LMO7: variants seen among roughly 807,000 people sequenced by gnomAD.
LMO7 encodes LIM domain 7.
A neutral mutation model predicts 206.5 loss-of-function variants in LMO7; 120 were observed. The ratio of observed to expected loss-of-function variants is 0.58; its 90% CI spans 0.50 to 0.68. The LOEUF is 0.68. Ranked by LOEUF, LMO7 falls within the 30% of genes least tolerant of loss-of-function variation. The pLI, the probability that LMO7 is intolerant of heterozygous loss-of-function variation, is 0.00. For synonymous variants in LMO7, 706 were observed against 681.5 expected (o/e 1.04, Z -0.56); for missense variants, 1,959 against 1,957.9 (o/e 1.00, Z -0.01).
At chr13:75,705,105 A>T (rs1211827845) in intron 1 of LMO7, among the ~76,000 whole-genome samples, 1 of 152,116 alleles carries the variant, frequency 6.6e-6, no homozygotes, top group East Asian at 1.9e-4. Flanking sequence ...TCCGCCCTTC[A>T]TATGCTCGGG....
chr13:75,805,083 C>CCTAA (rs1212143464), intron 8 of LMO7: 25 of 1,014,618 alleles, frequency 2.5e-5, no homozygotes, highest in Non-Finnish European at 2.8e-5. Context: ...AATCACCTAT[C>CCTAA]CTAATTCTTG....
At chr13:75,722,979 G>A (rs1304661488) in intron 2 of LMO7, among the ~76,000 whole-genome samples, 1 of 152,138 alleles carries the variant, frequency 6.6e-6, no homozygotes, top group African/African-American at 2.4e-5. Context: ...AGGATGCAAA[G>A]GCGTAAGAAT....
chr13:75,849,382 TGAAAG>T (rs769645709), intron 27 of LMO7, 90 bp downstream of exon 27: 13 of 1,010,016 alleles, frequency 1.3e-5, no homozygotes, highest in South Asian at 7.1e-5. Flanking sequence ...ACAGAAGAGA[TGAAAG>T]GAACATAGAG....
intron 1 of LMO7, among the ~76,000 whole-genome samples, chr13:75,681,718 G>GTATGTATATA (rs1555293391): frequency 2.9e-5 from 3 of 104,562 alleles, no homozygotes; most frequent in Non-Finnish European, 5.8e-5. Context: ...ATATATATAT[G>GTATGTATATA]TATATATATA....
chr13:75,654,378 G>A (rs865967526), intron 1 of LMO7, among the ~76,000 whole-genome samples: 1 of 152,208 alleles, frequency 6.6e-6, no homozygotes, highest in Non-Finnish European at 1.5e-5. Context: ...AGAGAAAGGG[G>A]AAGAATTAGC....
At chr13:75,702,264 C>T (rs1411911512) in intron 1 of LMO7, among the ~76,000 whole-genome samples, 1 of 152,150 alleles carries the variant, frequency 6.6e-6, no homozygotes, top group African/African-American at 2.4e-5. Context: ...TTCCTTCTGG[C>T]TCTGTGAAGA....
At chr13:75,626,595 A>ATATATATATATTTTTTT in intron 2 of LMO7, among the ~76,000 whole-genome samples, 3 of 71,100 alleles carry the variant, frequency 4.2e-5, no homozygotes, top group Non-Finnish European at 1.1e-4. Flanking sequence ...ATATATATAA[A>ATATATATATATTTTTTT]TTTTTTTGAG....
chr13:75,826,250 C>T (rs1246040735), intron 15 of LMO7, among the ~76,000 whole-genome samples: 1 of 152,026 alleles, frequency 6.6e-6, no homozygotes, highest in Non-Finnish European at 1.5e-5. Flanking sequence ...CCACATTACC[C>T]ATACTGCTCT....
chr13:75,762,527 G>A (rs1014944162), intron 4 of LMO7, among the ~76,000 whole-genome samples: 6 of 152,110 alleles, frequency 3.9e-5, no homozygotes, highest in African/African-American at 1.4e-4. Context: ...CTAAAGACTA[G>A]GTGAAACATG....
chr13:75,756,969 TC>T (rs2047727185), intron 3 of LMO7, among the ~76,000 whole-genome samples: 2 of 152,252 alleles, frequency 1.3e-5, no homozygotes, highest in African/African-American at 4.8e-5. Context: ...CAGAAAGCCC[TC>T]CATGATTCTC....
At chr13:75,672,291 G>C (rs2039654315) in intron 1 of LMO7, among the ~76,000 whole-genome samples, 2 of 149,606 alleles carry the variant, frequency 1.3e-5, no homozygotes, top group Non-Finnish European at 3.0e-5. Flanking sequence ...GCCCAGGCTG[G>C]AGTGCAATGG....
At chr13:75,621,627 C>A in exon 1 of LMO7, 1 of 798,498 alleles carries the variant, frequency 1.3e-6, no homozygotes, top group Non-Finnish European at 1.9e-6. Context: ...AGTGATAGGG[C>A]AAGTGCAAAT....
chr13:75,693,555 C>T (rs73225937), intron 1 of LMO7, among the ~76,000 whole-genome samples: 9,552 of 152,272 alleles, frequency 0.063, 603 homozygotes, highest in African/African-American at 0.16. Flanking sequence ...TTTCTGTCTT[C>T]TGACTCCATG....
At chr13:75,768,826 T>C (rs2049246516) in intron 4 of LMO7, among the ~76,000 whole-genome samples, 2 of 152,164 alleles carry the variant, frequency 1.3e-5, no homozygotes, top group Non-Finnish European at 2.9e-5. Context: ...TACATCGCAG[T>C]CACATTTTCC....
chr13:75,657,031 G>C (rs1348105517), intron 1 of LMO7, among the ~76,000 whole-genome samples: 4 of 152,196 alleles, frequency 2.6e-5, no homozygotes, highest in African/African-American at 9.7e-5. Flanking sequence ...CAGTGTGATT[G>C]GTATCTTTAT....
chr13:75,851,804 T>A (rs2060523183), intron 27 of LMO7, among the ~76,000 whole-genome samples: 1 of 152,210 alleles, frequency 6.6e-6, no homozygotes, highest in Non-Finnish European at 1.5e-5. Flanking sequence ...GCTTTTATAA[T>A]GTGGACATTA....
chr13:75,731,844 G>T (rs1329824866), intron 3 of LMO7, among the ~76,000 whole-genome samples: 1 of 151,748 alleles, frequency 6.6e-6, no homozygotes, highest in Non-Finnish European at 1.5e-5. Context: ...AAATCTCTCA[G>T]CATTTGCTTG....
intron 1 of LMO7, among the ~76,000 whole-genome samples, chr13:75,687,434 A>T (rs993682190): frequency 3.3e-5 from 5 of 152,132 alleles, no homozygotes; most frequent in Non-Finnish European, 5.9e-5. Flanking sequence ...CTTGGGGAAA[A>T]AGGACAGACT....
rs537590094 is a variant in LMO7, at chr13:75,786,727, G to A, written c.318-8674G>A. 2.5e-3 allele frequency among the ~76,000 whole-genome samples: 387 copies of A among 152,184 alleles called. 3 individuals are homozygous for A. The highest frequency in any genetic ancestry group is 8.9e-3 in the African/African-American group (369 of 41,532). Reference sequence around the variant, plus strand: ...TAGGTGATTCCATTCAGTCTTATGAGGTTCTATTTCATCTCTGTGCTGACA... The same window carrying A: ...TAGGTGATTCCATTCAGTCTTATGAAGTTCTATTTCATCTCTGTGCTGACA... On this transcript the variant is annotated intron_variant, in intron 4 of 30. Transcript: ENST00000377534.
Sources: allele counts gnomAD v4.1 joint callset (sites outside exome capture counted in the v4.1 genomes callset), GRCh38; gene constraint gnomAD v4.1.1; transcripts MANE v1.5; gene names NCBI Gene and HGNC (gene_info 2026-07-23, HGNC 2026-07-21).